UBE2E2: variants seen among roughly 807,000 people sequenced by gnomAD.
UBE2E2 encodes ubiquitin conjugating enzyme E2 E2.
Under a neutral mutation model 24.7 loss-of-function variants are expected in UBE2E2, and 6 were observed. That is an observed-to-expected ratio of 0.24 (90% CI 0.13 to 0.48). The LOEUF is 0.48. Among genes scored for constraint, UBE2E2 ranks in the 20% least tolerant of loss-of-function variants. The pLI, the probability that UBE2E2 is intolerant of heterozygous loss-of-function variation, is 0.99. For synonymous variants in UBE2E2, 104 were observed against 83.6 expected (o/e 1.24, Z -1.33); for missense variants, 169 against 245.0 (o/e 0.69, Z 2.07).
chr3:23,213,632 G>T (rs1696388426), intron 2 of UBE2E2, among the ~76,000 whole-genome samples: 1 of 152,122 alleles, frequency 6.6e-6, no homozygotes, highest in African/African-American at 2.4e-5. Flanking sequence ...TTAGGTGATT[G>T]TTCAGGTGAT....
At chr3:23,340,909 C>T (rs969461057) in intron 3 of UBE2E2, among the ~76,000 whole-genome samples, 1 of 152,156 alleles carries the variant, frequency 6.6e-6, no homozygotes, top group Non-Finnish European at 1.5e-5. Context: ...TCAATTCCTA[C>T]ACTTTGTTTT....
chr3:23,452,924 T>C (rs1315205627), intron 3 of UBE2E2, among the ~76,000 whole-genome samples: 2 of 152,230 alleles, frequency 1.3e-5, no homozygotes, highest in Non-Finnish European at 2.9e-5. Context: ...AGCAACTATG[T>C]ATTCTGGATT....
intron 3 of UBE2E2, among the ~76,000 whole-genome samples, chr3:23,405,718 CATTTACCACACTCTTTAACATTTTGTT>C (rs1697339894): frequency 1.3e-5 from 2 of 152,054 alleles, no homozygotes; most frequent in African/African-American, 2.4e-5. Context: ...ATGGCAAGTT[CATTTACCACACTCTTTAACATTTTGTT>C]TAGTTTTAAC....
chr3:23,222,957 A>G (rs904435129), intron 3 of UBE2E2, among the ~76,000 whole-genome samples: 4 of 148,266 alleles, frequency 2.7e-5, no homozygotes, highest in African/African-American at 1.0e-4. Flanking sequence ...GCATTTTTTA[A>G]TGTACCCTTT....
intron 5 of UBE2E2, among the ~76,000 whole-genome samples, chr3:23,588,631 T>C (rs1696685414): frequency 6.6e-6 from 1 of 152,050 alleles, no homozygotes; most frequent in African/African-American, 2.4e-5. Context: ...GAGAGCTATC[T>C]CCCAGCACCC....
At chr3:23,281,508 G>A (rs1698489939) in intron 3 of UBE2E2, among the ~76,000 whole-genome samples, 1 of 152,152 alleles carries the variant, frequency 6.6e-6, no homozygotes, top group Non-Finnish European at 1.5e-5. Context: ...CCAGTGGCAT[G>A]TGCCTGTAGT....
At chr3:23,500,670 G>A (rs771493728) in intron 4 of UBE2E2, among the ~76,000 whole-genome samples, 4 of 152,142 alleles carry the variant, frequency 2.6e-5, no homozygotes, top group East Asian at 1.9e-4. Flanking sequence ...AAGACTAGAC[G>A]TTCACCATGA....
chr3:23,553,888 A>G (rs1392565408), intron 5 of UBE2E2, among the ~76,000 whole-genome samples: 2 of 152,182 alleles, frequency 1.3e-5, no homozygotes, highest in African/African-American at 2.4e-5. Flanking sequence ...CATTGATGAA[A>G]GAAATTGAAG....
chr3:23,226,418 TATGTG>T (rs1696827680), intron 3 of UBE2E2, among the ~76,000 whole-genome samples: 1 of 152,158 alleles, frequency 6.6e-6, no homozygotes, highest in Admixed American at 6.5e-5. Context: ...AGGATTTCTG[TATGTG>T]ATGTCATTTA....
At chr3:23,249,078 C>T (rs1027423768) in intron 3 of UBE2E2, among the ~76,000 whole-genome samples, 1 of 152,042 alleles carries the variant, frequency 6.6e-6, no homozygotes, top group Non-Finnish European at 1.5e-5. Context: ...TGAGACCAGC[C>T]TGGGCAACAT....
chr3:23,376,846 C>A lies in UBE2E2; in HGVS notation c.228-122762C>A, dbSNP rs149775255. On this transcript the variant is annotated intron_variant, in intron 3 of 5. Coordinates refer to ENST00000396703, the MANE Select transcript of UBE2E2 (RefSeq NM_152653.4). ...TATTTTGAAGTCCAGTAGTTGAGGT[C>A]AGCAACTCACATATGAGTTCTGATA... Among the ~76,000 whole-genome samples, 27 of 152,262 alleles carry A rather than the reference C, an allele frequency of 1.8e-4. No individual in the cohort carries two copies. The East Asian group carries it at 3.1e-3, about 17-fold the overall frequency.
intron 3 of UBE2E2, among the ~76,000 whole-genome samples, chr3:23,355,142 C>T (rs2125325247): frequency 6.6e-6 from 1 of 151,326 alleles, no homozygotes; most frequent in East Asian, 2.0e-4. Context: ...GAAAAACAAA[C>T]ACCTCATGTT....
chr3:23,228,563 TC>T (rs1411752646), intron 3 of UBE2E2, among the ~76,000 whole-genome samples: 1 of 152,196 alleles, frequency 6.6e-6, no homozygotes, highest in East Asian at 1.9e-4. Context: ...TTACAATTAA[TC>T]AACTAAGCTT....
chr3:23,288,964 G>C (rs751433154), intron 3 of UBE2E2, among the ~76,000 whole-genome samples: 1 of 152,194 alleles, frequency 6.6e-6, no homozygotes, highest in African/African-American at 2.4e-5. Flanking sequence ...GGCAGTTCAA[G>C]ACTGTCCTAC....
intron 1 of UBE2E2, 73 bp downstream of exon 1, chr3:23,203,537 C>T (rs78847609): frequency 0.21 from 190,968 of 893,008 alleles, 20,806 homozygotes; most frequent in Middle Eastern, 0.24. Context: ...TCCTCACTCC[C>T]CCGACCTCCC....
chr3:23,474,483 TC>T lies in UBE2E2; in HGVS notation c.228-25124del, dbSNP rs1356350253. On this transcript the variant is annotated intron_variant, in intron 3 of 5. Transcript: ENST00000396703. The surrounding 1 kb of genome is among the most constrained non-coding windows in gnomAD (Gnocchi z 4.0). Reference sequence around the variant, plus strand: ...ACACGTTATTGTACATTTCTAATAATCTATCACAAAAAAATCATAGAATTAT... The same window carrying T: ...ACACGTTATTGTACATTTCTAATAATTATCACAAAAAAATCATAGAATTAT... 6.6e-6 allele frequency among the ~76,000 whole-genome samples: 1 copy of T among 152,090 alleles called. No individual in the cohort carries two copies. Among genetic ancestry groups the T allele is most frequent in the East Asian group, 1.9e-4 (1 of 5,194 alleles).
intron 5 of UBE2E2, among the ~76,000 whole-genome samples, chr3:23,564,724 C>T (rs950718261): frequency 2.0e-5 from 3 of 152,170 alleles, no homozygotes; most frequent in African/African-American, 7.2e-5. Context: ...TGCTTTCCAC[C>T]TGTTACTGGT....
chr3:23,576,973 C>A (rs1275266822), intron 5 of UBE2E2, among the ~76,000 whole-genome samples: 1 of 151,674 alleles, frequency 6.6e-6, no homozygotes, highest in Non-Finnish European at 1.5e-5. Context: ...GTCTGTCAGC[C>A]CCATTTTTCC....
chr3:23,573,754 T>G (rs1696278550), intron 5 of UBE2E2, among the ~76,000 whole-genome samples: 1 of 152,232 alleles, frequency 6.6e-6, no homozygotes, highest in Admixed American at 6.5e-5. Context: ...CCTAAATAGC[T>G]GCTTGTTGTC....
Sources: gnomAD v4.1 joint callset for allele counts (sites outside exome capture counted in the v4.1 genomes callset) on GRCh38, gnomAD v4.1.1 for gene constraint, Gnocchi (gnomAD v3.1) non-coding constraint, MANE v1.5 for transcripts, NCBI Gene and HGNC (gene_info 2026-07-23, HGNC 2026-07-21) for gene names.